The following ZNF76 variants were observed in gnomAD, a reference collection of about 807,000 sequenced individuals.
The protein encoded by ZNF76 is zinc finger protein 523.
In ZNF76, 66 loss-of-function variants were observed where a neutral mutation model predicts 66.9. That is an observed-to-expected ratio of 0.99 (90% CI 0.81 to 1.21). The LOEUF is 1.21. Among genes scored for constraint, ZNF76 ranks in the 50% most tolerant of loss-of-function variants. The pLI, the probability that ZNF76 is intolerant of heterozygous loss-of-function variation, is 0.00. For synonymous variants in ZNF76, 275 were observed against 296.1 expected (o/e 0.93, Z 0.73); for missense variants, 729 against 760.3 (o/e 0.96, Z 0.48).
rs1308980880 is a variant in ZNF76, at chr6:35,259,796, C to A, written c.-142C>A. ...TGGGGCCGGCGCTGGTGGCGGGGCCCGGTGCATGGCGGTCTGTCGGCGGAG... is the reference window on the plus strand; with the variant it reads ...TGGGGCCGGCGCTGGTGGCGGGGCCAGGTGCATGGCGGTCTGTCGGCGGAG... On this transcript the variant is annotated 5_prime_UTR_variant, in exon 1 of 14. Transcript: ENST00000373953. 1.3e-5 allele frequency: 2 copies of A among 152,392 alleles called. No individual in the cohort carries two copies. Among genetic ancestry groups the A allele is most frequent in the African/African-American group, 2.4e-5 (1 of 41,450 alleles). 9.4% of individuals were successfully genotyped at this position (152,392 alleles called of 1,614,324 possible).
intron 2 of ZNF76, among the ~76,000 whole-genome samples, chr6:35,283,856 T>C (rs1361426608): frequency 6.6e-6 from 1 of 152,124 alleles, no homozygotes; most frequent in Non-Finnish European, 1.5e-5. Flanking sequence ...CAGCTGCCTT[T>C]CCTATTTCTT....
In ZNF76 at chr6:35,291,547, C is replaced by T; in HGVS notation, c.752-11C>T. ...TCCCACACCCCTCCTCACATCCCAC[C>T]ATTTGCATAGGTGAACGCCCGTTCC... On this transcript the variant is annotated splice_polypyrimidine_tract_variant and intron_variant, in intron 8 of 13. Coordinates refer to ENST00000373953, the MANE Select transcript of ZNF76 (RefSeq NM_003427.5). 4 of 1,610,276 alleles carry T rather than the reference C, an allele frequency of 2.5e-6. No individual in the cohort carries two copies. Among genetic ancestry groups the T allele is most frequent in the Non-Finnish European group, 3.4e-6 (4 of 1,176,774 alleles).
In ZNF76 at chr6:35,292,588, C is replaced by A. The variant is rs377680153; in HGVS notation, c.966C>A (p.Cys322Ter). ...EKPYVCTVPG[C>*]GKRFTEYSSL... ...CATACGTTTGCACGGTGCCAGGCTG[C>A]GGGAAACGCTTCACCGAGTACTCGA... Residue 322 changes from cysteine (C) to a stop codon, truncating the protein, a stop_gained, in exon 10 of 14, where the codon TGC becomes TGA. Transcript: ENST00000373953. LOFTEE classifies it high-confidence loss of function. The surrounding 1 kb of genome is among the most constrained non-coding windows in gnomAD (Gnocchi z 4.7). 3.1e-6 allele frequency: 5 copies of A among 1,613,512 alleles called. No homozygotes were observed. The highest frequency in any genetic ancestry group is 4.2e-6 in the Non-Finnish European group (5 of 1,180,018).
At chr6:35,275,016 G>A (rs1337373368) in intron 1 of ZNF76, among the ~76,000 whole-genome samples, 3 of 152,074 alleles carry the variant, frequency 2.0e-5, no homozygotes, top group Admixed American at 6.6e-5. Flanking sequence ...TTAGCCGGGC[G>A]TGGTGGTGCA....
chr6:35,295,498 C>G lies in ZNF76; in HGVS notation c.*250C>G. On this transcript the variant is annotated 3_prime_UTR_variant, in exon 14 of 14. Coordinates refer to ENST00000373953, the MANE Select transcript of ZNF76 (RefSeq NM_003427.5). Reference sequence around the variant, plus strand: ...CAACAGCCAGGCTACACCAGGGCACCCGCCTCTCAAAATCAGCTGGGCGCC... The same window carrying G: ...CAACAGCCAGGCTACACCAGGGCACGCGCCTCTCAAAATCAGCTGGGCGCC... 1 of 504,714 alleles carries G rather than the reference C, an allele frequency of 2.0e-6. No homozygotes were observed. The highest frequency in any genetic ancestry group is 3.7e-5 in the East Asian group (1 of 27,242). 31.3% of individuals were successfully genotyped at this position (504,714 alleles called of 1,614,324 possible).
chr6:35,267,034 T>C lies in ZNF76; in HGVS notation c.-97+7193T>C, dbSNP rs537910084. Among the ~76,000 whole-genome samples, 98 of 152,078 alleles carry C rather than the reference T, an allele frequency of 6.4e-4. 1 individual carries two copies. The South Asian group carries it at 7.9e-3, about 12-fold the overall frequency. On this transcript the variant is annotated intron_variant, in intron 1 of 13. Transcript: ENST00000373953. ...CAGGATGGTCTCTATCTCCTGACTT[T>C]GTGATCCGCCCGCCTTGGCCTCCCA... is the stretch of plus-strand genomic sequence containing the variant.
chr6:35,271,309 C>T (rs780147864), intron 1 of ZNF76, among the ~76,000 whole-genome samples: 22 of 152,188 alleles, frequency 1.4e-4, no homozygotes, highest in Non-Finnish European at 2.6e-4. Flanking sequence ...ATATGTTCTC[C>T]CACCACCAGC....
At chr6:35,272,600 G>A (rs1288390660) in intron 1 of ZNF76, among the ~76,000 whole-genome samples, 1 of 152,184 alleles carries the variant, frequency 6.6e-6, no homozygotes, top group African/African-American at 2.4e-5. Context: ...CTCCACCTTG[G>A]TGTTTATGCC....
chr6:35,280,206 T>A (rs1453260937), intron 1 of ZNF76, among the ~76,000 whole-genome samples: 1 of 152,114 alleles, frequency 6.6e-6, no homozygotes, highest in Non-Finnish European at 1.5e-5. Flanking sequence ...AGCTTTTTTT[T>A]TAAATTCACC....
At chr6:35,266,797 CTTTTTTTT>C (rs57833954) in intron 1 of ZNF76, among the ~76,000 whole-genome samples, 7 of 93,298 alleles carry the variant, frequency 7.5e-5, no homozygotes, top group African/African-American at 2.1e-4. Context: ...TTGTCTATTT[CTTTTTTTT>C]TTTTTTTTTT....
intron 4 of ZNF76, chr6:35,286,634 C>T (rs1276425125): frequency 1.7e-6 from 1 of 589,614 alleles, no homozygotes; most frequent in Non-Finnish European, 3.0e-6. Context: ...GTGACGTGGA[C>T]TTTGATGGTG....
rs540648065 is a variant in ZNF76 at position 35,285,828 on chromosome 6, G to T, written c.74-300G>T. ...TCAAGTCTCAGCAACTTACTATTAG[G>T]TTGGAAGTTTCCACTTGGCTGGGCA... On this transcript the variant is annotated intron_variant, in intron 2 of 13. Coordinates refer to ENST00000373953, the MANE Select transcript of ZNF76 (RefSeq NM_003427.5). Among the ~76,000 whole-genome samples, 14 of 152,318 alleles carry T rather than the reference G, an allele frequency of 9.2e-5. No individual in the cohort carries two copies. In the East Asian group the frequency reaches 2.7e-3, roughly 29 times the overall value.
At chr6:35,293,592 C>T (rs1790752793) in intron 11 of ZNF76, among the ~76,000 whole-genome samples, 159 bp from the exon 12 acceptor site, 1 of 152,168 alleles carries the variant, frequency 6.6e-6, no homozygotes, top group South Asian at 2.1e-4. Context: ...CTCTTTGCAA[C>T]CTTGGACCCA....
chr6:35,264,496 A>C (rs1195965619), intron 1 of ZNF76, among the ~76,000 whole-genome samples: 6 of 152,158 alleles, frequency 3.9e-5, no homozygotes, highest in Non-Finnish European at 8.8e-5. Context: ...AAGGAGGCAA[A>C]ATGTTGGTAA....
chr6:35,288,425 T>C (rs1177975786), intron 5 of ZNF76: 1 of 335,430 alleles, frequency 3.0e-6, no homozygotes, highest in African/African-American at 2.2e-5. Flanking sequence ...GTCCAAGTTC[T>C]TTCTGCCGAA....
chr6:35,276,817 CAA>C (rs1787971817), intron 1 of ZNF76, among the ~76,000 whole-genome samples: 1 of 103,438 alleles, frequency 9.7e-6, no homozygotes, highest in Admixed American at 1.1e-4. Context: ...TTTTTTGAGA[CAA>C]GAGTTTTGCT....
At chr6:35,260,454 A>G (rs1785069454) in intron 1 of ZNF76, among the ~76,000 whole-genome samples, 1 of 152,078 alleles carries the variant, frequency 6.6e-6, no homozygotes, top group South Asian at 2.1e-4. Context: ...CCCTCGTTCC[A>G]CGTCTGCCTT....
intron 1 of ZNF76, among the ~76,000 whole-genome samples, chr6:35,260,433 T>G (rs764870483): frequency 1.3e-4 from 20 of 152,186 alleles, no homozygotes; most frequent in Non-Finnish European, 2.4e-4. Flanking sequence ...CTTTATCCTG[T>G]AGCCGTATGA....
chr6:35,276,191 A>G (rs1787868546), intron 1 of ZNF76, among the ~76,000 whole-genome samples: 2 of 152,220 alleles, frequency 1.3e-5, no homozygotes, highest in African/African-American at 4.8e-5. Context: ...TCACATTTAT[A>G]TGTGATAAAA....
Sources: gnomAD v4.1 joint callset for allele counts (sites outside exome capture counted in the v4.1 genomes callset) on GRCh38, gnomAD v4.1.1 for gene constraint, Gnocchi (gnomAD v3.1) non-coding constraint, MANE v1.5 for transcripts, NCBI Gene and HGNC (gene_info 2026-07-23, HGNC 2026-07-21) for gene names.